DPM1: variants seen among roughly 807,000 people sequenced by gnomAD.
DPM1 encodes the protein dolichol-phosphate mannosyltransferase subunit 1.
A neutral mutation model predicts 39.0 loss-of-function variants in DPM1; 27 were observed. That is an observed-to-expected ratio of 0.69 (90% CI 0.51 to 0.95). DPM1 has a LOEUF of 0.95. Among genes scored for constraint, DPM1 ranks in the 40% least tolerant of loss-of-function variants. The pLI is 0.00. For missense variants in DPM1, 307 were observed against 315.6 expected (o/e 0.97, Z 0.21); for synonymous variants, 124 against 109.0 (o/e 1.14, Z -0.86).
chr20:50,944,720 A>G (rs1353040927), intron 5 of DPM1: 1 of 152,254 alleles, frequency 6.6e-6, no homozygotes, highest in Non-Finnish European at 1.5e-5. Context: ...AACAGCTTCC[A>G]AAATCTTATT....
Position 50,958,390 on chromosome 20 carries a change from C to T in DPM1, c.134G>A (p.Trp45Ter). The T allele has an allele frequency of 6.2e-7, 1 of 1,614,006 alleles. No individual in the cohort carries two copies. Among genetic ancestry groups the T allele is most frequent in the Non-Finnish European group, 8.5e-7 (1 of 1,180,052 alleles). Residue 45 changes from tryptophan (W) to a stop codon, truncating the protein, a stop_gained, in exon 1 of 9, where the codon TGG becomes TAG. Transcript: ENST00000371588. LOFTEE classifies it high-confidence loss of function. ...NERENLPLIVWLLVKSFSESG... is the reference protein window; with the variant it reads ...NERENLPLIV Reference sequence around the variant, plus strand: ...CTCGGAGAAGCTTTTCACCAGCAGCCACACGATGAGCGGCAGGTTCTCGCG... The same window carrying T: ...CTCGGAGAAGCTTTTCACCAGCAGCTACACGATGAGCGGCAGGTTCTCGCG...
In DPM1 at chr20:50,942,081, G is replaced by C; in HGVS notation, c.444C>G (p.Tyr148Ter). 6.2e-7 allele frequency: 1 copy of C among 1,613,970 alleles called. No individual in the cohort carries two copies. The highest frequency in any genetic ancestry group is 1.7e-4 in the Middle Eastern group (1 of 6,060). The change falls in exon 6 of 9, where the codon TAC (tyrosine) becomes TAG (stop). Residue 148 changes from tyrosine to a stop codon, truncating the protein, a stop_gained. Coordinates refer to ENST00000371588, the MANE Select transcript of DPM1 (RefSeq NM_003859.3). LOFTEE classifies it high-confidence loss of function. ...AGCCATATACACCTCCATTTCCTTT[G>C]TAGCGAGTTCCAGAGACAATATCAA... ...GNFDIVSGTR[Y>*]KGNGGVYGWD...
At chr20:50,950,382 A>G (rs987020516) in intron 2 of DPM1, among the ~76,000 whole-genome samples, 1 of 152,240 alleles carries the variant, frequency 6.6e-6, no homozygotes, top group Admixed American at 6.5e-5. Flanking sequence ...ATAAGCATCT[A>G]TGATAATTGC....
chr20:50,937,062 A>T (rs1318517992), intron 7 of DPM1, among the ~76,000 whole-genome samples: 3 of 135,794 alleles, frequency 2.2e-5, no homozygotes, highest in South Asian at 4.6e-4. Flanking sequence ...TTTTTTTTTT[A>T]AAGATCAGTG....
rs562769511 is a variant in DPM1 at position 50,955,279 on chromosome 20, G to C, written c.168C>G (p.Ile56Met). ...LLVKSFSESGINYEIIIIDDG... is the reference protein window; with the variant it reads ...LLVKSFSESGMNYEIIIIDDG... ...CATCTATGATTATAATTTCATAGTTGATTCCACTAAAAAAATTAAATTTGT... is the reference window on the plus strand; with the variant it reads ...CATCTATGATTATAATTTCATAGTTCATTCCACTAAAAAAATTAAATTTGT... Residue 56 changes from isoleucine to methionine, a missense_variant, in exon 2 of 9, where the codon ATC (isoleucine) becomes ATG (methionine). This residue lies in a region of DPM1 where 206 missense variants were observed against 188.2 expected (regional missense o/e 1.09). Coordinates refer to ENST00000371588, the MANE Select transcript of DPM1 (RefSeq NM_003859.3). The C allele has an allele frequency of 5.2e-5, 84 of 1,610,014 alleles. No homozygotes were observed. The South Asian group carries it at 7.6e-4, about 15-fold the overall frequency.
At chr20:50,958,560 TA>T (rs763446844), upstream of DPM1, 189 of 1,611,836 alleles carry the variant, frequency 1.2e-4, 2 homozygotes, top group South Asian at 1.9e-3. Context: ...CGGAATTACG[TA>T]ATGTGGCGCG....
Position 50,945,840 on chromosome 20 carries a change from C to G in DPM1, c.372+7G>C, listed in dbSNP as rs1281487252. ...ATAAATAGCTAATAAAGAAACATAC[C>G]ACTTACATGGTGTGAGAGATCAGCA... On this transcript the variant is annotated splice_region_variant and intron_variant, in intron 4 of 8. Transcript: ENST00000371588. 6.2e-7 allele frequency: 1 copy of G among 1,612,866 alleles called. No homozygotes were observed. Among genetic ancestry groups the G allele is most frequent in the Admixed American group, 1.7e-5 (1 of 60,004 alleles).
At chr20:50,952,344 G>C (rs946163065) in intron 2 of DPM1, among the ~76,000 whole-genome samples, 1 of 152,102 alleles carries the variant, frequency 6.6e-6, no homozygotes, top group African/African-American at 2.4e-5. Flanking sequence ...TGAGACTATA[G>C]TACATATACA....
Position 50,936,238 on chromosome 20 carries a change from C to A in DPM1, c.588G>T (p.Glu196Asp). Residue 196 changes from glutamate to aspartate, a missense_variant, in exon 8 of 9, where the codon GAG (glutamate) becomes GAT (aspartate). Physicochemically the swap from Glu to Asp is conservative, Grantham distance 45 (BLOSUM62 2). This residue lies in a region of DPM1 where 31 missense variants were observed against 58.0 expected (regional missense o/e 0.53). Coordinates refer to ENST00000371588, the MANE Select transcript of DPM1 (RefSeq NM_003859.3). ...TAGAAACACATTTTTCTATTAATTTCTCTAGAACTTCTTTTCGGTATAATC... is the reference window on the plus strand; with the variant it reads ...TAGAAACACATTTTTCTATTAATTTATCTAGAACTTCTTTTCGGTATAATC... ...SFRLYRKEVLEKLIEKCVSKG... is the reference protein window; with the variant it reads ...SFRLYRKEVLDKLIEKCVSKG... 1 of 1,610,696 alleles carries A rather than the reference C, an allele frequency of 6.2e-7. No homozygotes were observed. Among genetic ancestry groups the A allele is most frequent in the African/African-American group, 1.3e-5 (1 of 74,972 alleles).
At chr20:50,936,119 T>C (rs1985135859) in intron 8 of DPM1, 29 bp downstream of exon 8, 1 of 1,490,986 alleles carries the variant, frequency 6.7e-7, no homozygotes, top group African/African-American at 1.4e-5. Context: ...ACCAGGAACA[T>C]GACACACTAT....
rs1471269825 is a variant in DPM1, at chr20:50,940,873, T to G, written c.555A>C (p.Gly185=). 6.2e-7 allele frequency: 1 copy of G among 1,613,724 alleles called. No individual in the cohort carries two copies. Among genetic ancestry groups the G allele is most frequent in the African/African-American group, 1.3e-5 (1 of 74,904 alleles). Residue 185 remains glycine (G), a synonymous_variant, in exon 7 of 9, where the codon GGA becomes GGC. Coordinates refer to ENST00000371588, the MANE Select transcript of DPM1 (RefSeq NM_003859.3). The stretch of plus-strand genomic sequence containing the variant: ...GGAAATTTTCACTGTACCTGAAACT[T>G]CCTGTTAAATCAGATGCTCCTGGTC... ...LLRPGASDLT[G]SFRLYRKEVL...
intron 2 of DPM1, among the ~76,000 whole-genome samples, chr20:50,954,112 A>C (rs1986714447): frequency 6.6e-6 from 1 of 152,074 alleles, no homozygotes; most frequent in African/African-American, 2.4e-5. Context: ...ACTGACACTC[A>C]CCTCTAAGTA....
At chr20:50,953,347 G>C (rs1986675794) in intron 2 of DPM1, among the ~76,000 whole-genome samples, 1 of 152,112 alleles carries the variant, frequency 6.6e-6, no homozygotes, top group African/African-American at 2.4e-5. Flanking sequence ...CTTCTTTTCT[G>C]AAAGATTCAT....
At position 50,940,143 on chromosome 20, in the gene DPM1, G is replaced by C. The variant is rs960761030; in HGVS notation, c.563+722C>G. Among the ~76,000 whole-genome samples the C allele has an allele frequency of 2.0e-5, 3 of 149,868 alleles. No individual in the cohort carries two copies. In the East Asian group the frequency reaches 5.8e-4, roughly 29 times the overall value. On this transcript the variant is annotated intron_variant, in intron 7 of 8. Coordinates refer to ENST00000371588, the MANE Select transcript of DPM1 (RefSeq NM_003859.3). ...GTGTGTGTCAATTCTCACATTTAAG[G>C]ACCTAGATTTTCCTGCATTAAGCAA...
At chr20:50,948,706 C>T (rs753337775) in intron 2 of DPM1, 44 bp from the exon 3 acceptor site, 1 of 1,559,346 alleles carries the variant, frequency 6.4e-7, no homozygotes, top group East Asian at 2.2e-5. Flanking sequence ...AAACAGAAAT[C>T]TTATCATGTT....
chr20:50,941,244 A>G (rs1387600736), intron 6 of DPM1: 1 of 165,478 alleles, frequency 6.0e-6, no homozygotes, highest in Non-Finnish European at 1.1e-5. Context: ...ATATATATAT[A>G]TATATATATA....
chr20:50,938,462 A>G (rs1371171819), intron 7 of DPM1, among the ~76,000 whole-genome samples: 1 of 150,818 alleles, frequency 6.6e-6, no homozygotes, highest in Admixed American at 6.6e-5. Flanking sequence ...GGCTCACTGC[A>G]AGCTCTGCCT....
chr20:50,950,579 A>G (rs1986520868), intron 2 of DPM1, among the ~76,000 whole-genome samples: 1 of 152,200 alleles, frequency 6.6e-6, no homozygotes. Context: ...TTAAAAAAAG[A>G]TAACTTTGGC....
intron 2 of DPM1, 39 bp downstream of exon 2, chr20:50,955,147 T>C: frequency 7.0e-7 from 1 of 1,426,344 alleles, no homozygotes; most frequent in Non-Finnish European, 9.9e-7. Flanking sequence ...CCCTACATAA[T>C]CACAATTCAT....
Sources: allele counts gnomAD v4.1 joint callset (sites outside exome capture counted in the v4.1 genomes callset), GRCh38; gene constraint gnomAD v4.1.1; regional missense constraint gnomAD v4.1.1; transcripts MANE v1.5; gene names NCBI Gene and HGNC (gene_info 2026-07-23, HGNC 2026-07-21).